STAU2: variants seen among roughly 807,000 people sequenced by gnomAD.
STAU2 encodes staufen double-stranded RNA binding protein 2.
A neutral mutation model predicts 65.9 loss-of-function variants in STAU2; 20 were observed. The ratio of observed to expected loss-of-function variants is 0.30; its 90% CI spans 0.21 to 0.44. The LOEUF is 0.44. Among genes scored for constraint, STAU2 ranks in the 20% least tolerant of loss-of-function variants. The pLI is 1.00. For synonymous variants in STAU2, 232 were observed against 233.9 expected (o/e 0.99, Z 0.07); for missense variants, 558 against 683.9 (o/e 0.82, Z 2.05).
chr8:73,614,479 A>G (rs1812687539), intron 8 of STAU2, among the ~76,000 whole-genome samples: 1 of 152,230 alleles, frequency 6.6e-6, no homozygotes, highest in Non-Finnish European at 1.5e-5. Context: ...TGTTTTACAG[A>G]AAGGGATATT....
intron 6 of STAU2, among the ~76,000 whole-genome samples, chr8:73,618,083 G>T (rs1812970240): frequency 6.6e-6 from 1 of 152,026 alleles, no homozygotes; most frequent in South Asian, 2.1e-4. Flanking sequence ...AAAACCAAAA[G>T]AAATTAAGCA....
At chr8:73,469,454 T>G (rs188363193) in intron 13 of STAU2, among the ~76,000 whole-genome samples, 30 of 131,884 alleles carry the variant, frequency 2.3e-4, no homozygotes, top group Admixed American at 7.5e-4. Context: ...TAAAGTATAA[T>G]AAAATATATA....
chr8:73,604,253 G>C (rs1811850877), intron 9 of STAU2, among the ~76,000 whole-genome samples: 1 of 152,048 alleles, frequency 6.6e-6, no homozygotes, highest in Admixed American at 6.5e-5. Flanking sequence ...TTTTGAGACA[G>C]AGTTTCATTC....
chr8:73,646,582 A>C (rs896243660), intron 6 of STAU2, among the ~76,000 whole-genome samples: 2 of 152,236 alleles, frequency 1.3e-5, no homozygotes, highest in African/African-American at 4.8e-5. Flanking sequence ...AAAGAAGCTA[A>C]TTCAAAATGT....
chr8:73,639,772 T>C (rs1424197702), intron 6 of STAU2, among the ~76,000 whole-genome samples: 1 of 152,130 alleles, frequency 6.6e-6, no homozygotes, highest in Non-Finnish European at 1.5e-5. Context: ...TCCCAAACCA[T>C]AAAATTTGCA....
At chr8:73,601,643 C>T (rs1295305605) in intron 10 of STAU2, among the ~76,000 whole-genome samples, 2 of 152,132 alleles carry the variant, frequency 1.3e-5, no homozygotes, top group Non-Finnish European at 2.9e-5. Context: ...TCCACTGGGG[C>T]TTCCAGAAGG....
intron 4 of STAU2, among the ~76,000 whole-genome samples, chr8:73,703,553 C>G (rs1229876497): frequency 6.6e-6 from 1 of 152,020 alleles, no homozygotes; most frequent in Non-Finnish European, 1.5e-5. Flanking sequence ...TAAAAACAAC[C>G]AAAATATCCA....
At chr8:73,664,862 T>G (rs554288831) in intron 6 of STAU2, among the ~76,000 whole-genome samples, 4 of 152,134 alleles carry the variant, frequency 2.6e-5, no homozygotes, top group East Asian at 3.9e-4. Context: ...TGTGGTGGCA[T>G]GCGCCTGTAG....
rs16938660 is a variant in STAU2, at chr8:73,445,148, T to G, written c.1531-22446A>C. Among the ~76,000 whole-genome samples the G allele has an allele frequency of 5.4e-3, 828 of 152,318 alleles. 11 individuals carry two copies. Among genetic ancestry groups the G allele is most frequent in the African/African-American group, 0.019 (796 of 41,572 alleles). ...ATTTACAAGTGAGTGAGCAGGACTATAGAACTTTAGACAAATCCAGAATCT... is the reference window on the plus strand; with the variant it reads ...ATTTACAAGTGAGTGAGCAGGACTAGAGAACTTTAGACAAATCCAGAATCT... On this transcript the variant is annotated intron_variant, in intron 13 of 14. Transcript: ENST00000524300.
At chr8:73,508,148 T>C (rs1483994536) in intron 13 of STAU2, among the ~76,000 whole-genome samples, 1 of 152,212 alleles carries the variant, frequency 6.6e-6, no homozygotes, top group Admixed American at 6.5e-5. Flanking sequence ...TTTTCTTCTG[T>C]ACCCACAACT....
At chr8:73,474,535 A>T (rs1820212066) in intron 13 of STAU2, among the ~76,000 whole-genome samples, 1 of 138,866 alleles carries the variant, frequency 7.2e-6, no homozygotes, top group Non-Finnish European at 1.6e-5. Flanking sequence ...ACCAAAGCCC[A>T]CCACTTTCTA....
At chr8:73,632,125 G>A (rs914685268) in intron 6 of STAU2, among the ~76,000 whole-genome samples, 10 of 152,048 alleles carry the variant, frequency 6.6e-5, no homozygotes, top group African/African-American at 2.2e-4. Context: ...TAAGAATATT[G>A]TATTATATTG....
chr8:73,655,608 T>C (rs1336010675), intron 6 of STAU2, among the ~76,000 whole-genome samples: 1 of 149,462 alleles, frequency 6.7e-6, no homozygotes, highest in Non-Finnish European at 1.5e-5. Flanking sequence ...TATTAGCAGA[T>C]AATGAAACAA....
In STAU2 at chr8:73,585,179, T is replaced by C. The variant is rs529283173; in HGVS notation, c.1162-2349A>G. On this transcript the variant is annotated intron_variant, in intron 11 of 14. Coordinates refer to ENST00000524300, the MANE Select transcript of STAU2 (RefSeq NM_001164380.2). ...AATTTCTTCTATTCTTACCTTATGT[T>C]ACCTCAATACTATACAATTGGCTGG... 5.3e-5 allele frequency among the ~76,000 whole-genome samples: 8 copies of C among 152,368 alleles called. No homozygotes were observed. The South Asian group carries it at 6.2e-4, about 12-fold the overall frequency.
Position 73,688,777 on chromosome 8 carries a change from A to C in STAU2, c.151T>G (p.Trp51Gly), listed in dbSNP as rs1819127071. 1 of 1,614,210 alleles carries C rather than the reference A, an allele frequency of 6.2e-7. No individual in the cohort carries two copies. Among genetic ancestry groups the C allele is most frequent in the Non-Finnish European group, 8.5e-7 (1 of 1,180,024 alleles). ...TTTATACTGCTGCCTTCGGATTCCC[A>C]TGTCTGCTCACCAAGACTCAGCTGC... ...SVQLSLGEQT[W>G]ESEGSSIKKA... The change falls in exon 5 of 15, where the codon TGG (tryptophan) becomes GGG (glycine). Residue 51 changes from tryptophan (W) to glycine (G), a missense_variant. Around this residue, in one of 3 missense-constraint regions of STAU2, gnomAD observed 112 missense variants for 114.2 expected, o/e 0.98. Transcript: ENST00000524300.
At chr8:73,490,617 C>T (rs890357502) in intron 13 of STAU2, among the ~76,000 whole-genome samples, 1 of 151,948 alleles carries the variant, frequency 6.6e-6, no homozygotes, top group Non-Finnish European at 1.5e-5. Context: ...GATTCCAGCT[C>T]CAAGGAGTAT....
chr8:73,576,712 A>T (rs968777545), intron 12 of STAU2, among the ~76,000 whole-genome samples: 1 of 152,248 alleles, frequency 6.6e-6, no homozygotes, highest in African/African-American at 2.4e-5. Flanking sequence ...AAATAATAGC[A>T]GTTAATGTTT....
intron 2 of STAU2, among the ~76,000 whole-genome samples, chr8:73,738,905 T>C (rs1806632397): frequency 6.6e-6 from 1 of 152,180 alleles, no homozygotes; most frequent in Non-Finnish European, 1.5e-5. Flanking sequence ...AGTTTCTTTT[T>C]CTCTGTCATT....
At chr8:73,586,645 G>GAAAAA (rs1563440667) in intron 11 of STAU2, among the ~76,000 whole-genome samples, 1 of 32,086 alleles carries the variant, frequency 3.1e-5, no homozygotes. Flanking sequence ...GAAAAAAAAT[G>GAAAAA]CAAAAAAAAA....
Sources: allele counts gnomAD v4.1 joint callset (sites outside exome capture counted in the v4.1 genomes callset), GRCh38; gene constraint gnomAD v4.1.1; regional missense constraint gnomAD v4.1.1; transcripts MANE v1.5; gene names NCBI Gene and HGNC (gene_info 2026-07-23, HGNC 2026-07-21).